KCNC2: variants seen among roughly 807,000 people sequenced by gnomAD.
KCNC2 encodes voltage-gated potassium channel KCNC2.
KCNC2 carries 21 observed loss-of-function variants against 44.5 expected under a neutral mutation model. The ratio of observed to expected loss-of-function variants is 0.47; its 90% CI spans 0.33 to 0.68. The LOEUF (loss-of-function observed/expected upper bound fraction) is 0.68, where lower values mean the gene tolerates loss of function less well. Among genes scored for constraint, KCNC2 ranks in the 30% least tolerant of loss-of-function variants. The probability of loss-of-function intolerance (pLI) is 0.01; values close to 1 mark genes in which losing one functional copy is unlikely to be tolerated. For missense variants in KCNC2, 589 were observed against 826.2 expected, an observed-to-expected ratio of 0.71 and a Z score of 3.52; for synonymous variants, 391 against 339.1, an observed-to-expected ratio of 1.15 and a Z score of -1.68.
At chr12:75,131,416 G>C (rs978097096) in intron 2 of KCNC2, among the ~76,000 whole-genome samples, 2 of 152,168 alleles carry the variant, frequency 1.3e-5, no homozygotes, top group Non-Finnish European at 2.9e-5. Flanking sequence ...GCAGTAGGCA[G>C]AATGGGCCCT....
intron 2 of KCNC2, among the ~76,000 whole-genome samples, chr12:75,170,338 T>A (rs977661812): frequency 6.6e-6 from 1 of 151,718 alleles, no homozygotes; most frequent in Non-Finnish European, 1.5e-5. Context: ...GCTCTTCAGA[T>A]GCTTTTTCAA....
At chr12:75,171,922 T>G (rs192518962) in intron 2 of KCNC2, among the ~76,000 whole-genome samples, 5 of 151,470 alleles carry the variant, frequency 3.3e-5, no homozygotes, top group African/African-American at 7.3e-5. Flanking sequence ...TTAAAAAGGG[T>G]TTTTTAAATT....
In KCNC2 at chr12:75,041,755, T is replaced by G. The variant is rs1879929880; in HGVS notation, c.*1350A>C. 6.1e-6 allele frequency: 6 copies of G among 991,726 alleles called. No homozygotes were observed. The highest frequency in any genetic ancestry group is 1.0e-3 in the Middle Eastern group (2 of 1,922). The allele number at this position is 991,726 out of a possible 1,614,324, so 61.4% of individuals were successfully genotyped here. A position where few individuals can be genotyped will look rare whatever the true frequency, so the allele number is the denominator to read the frequency against. ...AATGGTGAAATTGCTGCTTAAACCC[T>G]GCTTATCAAAAAGATTCACAGTGCC... On this transcript the variant is annotated 3_prime_UTR_variant, in exon 5 of 5. Transcript: ENST00000549446.
intron 2 of KCNC2, among the ~76,000 whole-genome samples, chr12:75,151,867 G>T (rs1358463638): frequency 6.8e-6 from 1 of 146,284 alleles, no homozygotes; most frequent in Non-Finnish European, 1.5e-5. Context: ...AAACATCTGA[G>T]ATATTACCTA....
rs1231873108 is a variant in KCNC2, at chr12:75,040,792, A to T, written c.*2313T>A. ...GACAAAACTATACTACATCAGTATC[A>T]CTGCCTTAAGTAATTCACAGCACAA... On this transcript the variant is annotated 3_prime_UTR_variant, in exon 5 of 5. Coordinates refer to ENST00000549446, the MANE Select transcript of KCNC2 (RefSeq NM_139137.4). 3.5e-6 allele frequency: 1 copy of T among 287,934 alleles called. No individual in the cohort carries two copies. Among genetic ancestry groups the T allele is most frequent in the African/African-American group, 2.1e-5 (1 of 47,550 alleles). The allele number at this position is 287,934 out of a possible 1,614,324, so 17.8% of individuals were successfully genotyped here.
chr12:75,121,783 A>G (rs1316797219), intron 2 of KCNC2, among the ~76,000 whole-genome samples: 1 of 152,220 alleles, frequency 6.6e-6, no homozygotes, highest in Non-Finnish European at 1.5e-5. Flanking sequence ...CTCAATTGTA[A>G]TATCAGAGCA....
At chr12:75,051,834 A>G (rs879202001) in intron 2 of KCNC2, among the ~76,000 whole-genome samples, 1 of 151,950 alleles carries the variant, frequency 6.6e-6, no homozygotes, top group East Asian at 1.9e-4. Context: ...AACAGCATGA[A>G]AAAAAATCTT....
chr12:75,181,659 G>A lies in KCNC2; in HGVS notation c.687+25638C>T, dbSNP rs529731094. ...GTATAATGTCCAAAATTGCCGATTT[G>A]GCAACCTCACAGATATGAACTCAAA... is the stretch of plus-strand genomic sequence containing the variant. On this transcript the variant is annotated intron_variant, in intron 2 of 4. Transcript: ENST00000549446. Among the ~76,000 whole-genome samples the A allele has an allele frequency of 2.0e-5, 3 of 152,114 alleles. No individual in the cohort carries two copies. In the East Asian group the frequency reaches 5.8e-4, roughly 29 times the overall value.
chr12:75,166,951 G>GA (rs1227807352), intron 2 of KCNC2, among the ~76,000 whole-genome samples: 2 of 150,922 alleles, frequency 1.3e-5, no homozygotes, highest in Admixed American at 1.3e-4. Context: ...ACATATTAGA[G>GA]TAGAAATAAA....
At chr12:75,208,494 C>T (rs1203683396) in intron 1 of KCNC2, among the ~76,000 whole-genome samples, 5 of 151,804 alleles carry the variant, frequency 3.3e-5, no homozygotes, top group Non-Finnish European at 7.4e-5. Flanking sequence ...TCCTCTTTCT[C>T]CCCTTCCCCT....
chr12:75,146,578 G>T (rs1006746273), intron 2 of KCNC2, among the ~76,000 whole-genome samples: 1 of 152,058 alleles, frequency 6.6e-6, no homozygotes, highest in Admixed American at 6.5e-5. Context: ...TCATATTTTT[G>T]CTATTAAAAA....
At chr12:75,100,566 C>A (rs1376757591) in intron 2 of KCNC2, among the ~76,000 whole-genome samples, 1 of 151,992 alleles carries the variant, frequency 6.6e-6, no homozygotes, top group Admixed American at 6.6e-5. Flanking sequence ...TTTAACTTTT[C>A]AAATGCTTTA....
intron 2 of KCNC2, among the ~76,000 whole-genome samples, chr12:75,162,309 G>T (rs1891171649): frequency 6.6e-6 from 1 of 151,558 alleles, no homozygotes; most frequent in Non-Finnish European, 1.5e-5. Flanking sequence ...AATTATTTAG[G>T]CTATATGGAT....
At chr12:75,094,413 T>C (rs554420432) in intron 2 of KCNC2, among the ~76,000 whole-genome samples, 10 of 151,762 alleles carry the variant, frequency 6.6e-5, no homozygotes, top group African/African-American at 2.2e-4. Flanking sequence ...TAGAGTGATA[T>C]AGCAAAATCA....
At chr12:75,057,670 C>T (rs1473932466) in intron 2 of KCNC2, among the ~76,000 whole-genome samples, 2 of 151,626 alleles carry the variant, frequency 1.3e-5, no homozygotes, top group African/African-American at 4.8e-5. Context: ...ATTTTTATAT[C>T]TATATCCACA....
intron 2 of KCNC2, among the ~76,000 whole-genome samples, chr12:75,182,342 G>T (rs1030826461): frequency 2.0e-5 from 3 of 151,072 alleles, no homozygotes; most frequent in Non-Finnish European, 4.4e-5. Flanking sequence ...GGTTAACACG[G>T]TGAAACCCCA....
chr12:75,057,715 A>G (rs890818612), intron 2 of KCNC2, among the ~76,000 whole-genome samples: 18 of 152,002 alleles, frequency 1.2e-4, no homozygotes, highest in Non-Finnish European at 2.4e-4. Flanking sequence ...ATATTTAAGT[A>G]CAGATTATAC....
intron 2 of KCNC2, among the ~76,000 whole-genome samples, chr12:75,165,797 T>A (rs1891411171): frequency 6.6e-6 from 1 of 151,502 alleles, no homozygotes; most frequent in African/African-American, 2.4e-5. Flanking sequence ...AAGTGTTTCA[T>A]CTATAACAAC....
intron 2 of KCNC2, among the ~76,000 whole-genome samples, chr12:75,058,837 C>A (rs1021833130): frequency 6.6e-6 from 1 of 152,018 alleles, no homozygotes; most frequent in Non-Finnish European, 1.5e-5. Context: ...GCTATGGGAG[C>A]TAGACCCACC....
Sources: gnomAD v4.1 joint callset for allele counts (sites outside exome capture counted in the v4.1 genomes callset) on GRCh38, gnomAD v4.1.1 for gene constraint, MANE v1.5 for transcripts, NCBI Gene and HGNC (gene_info 2026-07-23, HGNC 2026-07-21) for gene names.